CTBP2: variants seen among roughly 807,000 people sequenced by gnomAD.
CTBP2 encodes the protein C-terminal binding protein 2, also known as C-terminal-binding protein 2.
CTBP2 carries 30 observed loss-of-function variants against 80.3 expected under a neutral mutation model. The observed-to-expected ratio is 0.37, with a 90% CI of 0.28 to 0.51. CTBP2 has a LOEUF of 0.51. CTBP2 is among the 20% of genes least tolerant of loss of function. CTBP2 has a pLI of 0.93. For missense variants in CTBP2, 1,212 were observed against 1,375.3 expected (o/e 0.88, Z 1.88); for synonymous variants, 594 against 587.4 (o/e 1.01, Z -0.16).
At chr10:125,095,501 C>T (rs1295557966) in intron 2 of CTBP2, among the ~76,000 whole-genome samples, 4 of 152,166 alleles carry the variant, frequency 2.6e-5, no homozygotes, top group African/African-American at 9.7e-5. Context: ...GGAACAGCTC[C>T]GTTGGTGTTA....
chr10:125,074,937 C>T (rs546150312), intron 2 of CTBP2, among the ~76,000 whole-genome samples: 3 of 152,312 alleles, frequency 2.0e-5, no homozygotes, highest in African/African-American at 7.2e-5. Flanking sequence ...TTGACTACGA[C>T]TTCCACAGGC....
intron 4 of CTBP2, chr10:124,997,657 T>G: frequency 2.2e-6 from 1 of 450,762 alleles, no homozygotes; most frequent in Non-Finnish European, 4.0e-6. Context: ...CCTTCACCCC[T>G]GCCCAGGGAA....
chr10:125,155,447 G>A lies in CTBP2; in HGVS notation c.-206+4872C>T, dbSNP rs546445922. Among the ~76,000 whole-genome samples the A allele has an allele frequency of 5.3e-5, 8 of 151,382 alleles. No individual in the cohort carries two copies. The South Asian group carries it at 6.3e-4, about 12-fold the overall frequency. On this transcript the variant is annotated intron_variant, in intron 1 of 10. Transcript: ENST00000337195. ...GTGCAAAGCCCTTCTTTTCACAGGCGAAGTTCTGAATGCCCAAGTGCAGCC... is the reference window on the plus strand; with the variant it reads ...GTGCAAAGCCCTTCTTTTCACAGGCAAAGTTCTGAATGCCCAAGTGCAGCC...
At chr10:125,155,079 TCTTA>T (rs1446830741) in intron 1 of CTBP2, among the ~76,000 whole-genome samples, 1 of 152,254 alleles carries the variant, frequency 6.6e-6, no homozygotes, top group South Asian at 2.1e-4. Flanking sequence ...CTTGAGGAAC[TCTTA>T]CTATCTGCCG....
chr10:125,026,593 C>A lies in CTBP2; in HGVS notation c.1167G>T (p.Ala389=), dbSNP rs375956777. 12 of 1,563,668 alleles carry A rather than the reference C, an allele frequency of 7.7e-6. No individual in the cohort carries two copies. The highest frequency in any genetic ancestry group is 1.2e-5 in the South Asian group (1 of 86,108). ...GGGGGGATGCTGTCTGCAGAGGAGC[C>A]GCAGCGCCCAGAGAAGCCAAGTCAC... Residue 389 remains alanine, a synonymous_variant, in exon 1 of 9, where the codon GCG becomes GCT. Transcript: ENST00000309035.
intron 1 of CTBP2, chr10:125,005,472 T>C: frequency 6.9e-7 from 1 of 1,445,094 alleles, no homozygotes; most frequent in Non-Finnish European, 9.4e-7. Context: ...TCCAACATCC[T>C]TCTGCACCAG....
chr10:125,071,343 C>A (rs949299985), intron 2 of CTBP2, among the ~76,000 whole-genome samples: 1 of 152,208 alleles, frequency 6.6e-6, no homozygotes, highest in Admixed American at 6.5e-5. Flanking sequence ...ATGGAAAAAC[C>A]AGGAAATATT....
intron 1 of CTBP2, among the ~76,000 whole-genome samples, chr10:125,020,772 C>T (rs78182734): frequency 0.016 from 2,373 of 152,304 alleles, 57 homozygotes; most frequent in African/African-American, 0.054. Context: ...CCAGCTGACA[C>T]CAAGCATCCA....
At chr10:125,031,388 C>G (rs11245477), upstream of CTBP2, among the ~76,000 whole-genome samples, 1 of 141,444 alleles carries the variant, frequency 7.1e-6, no homozygotes. Context: ...ACTCGGGAGG[C>G]TGAGGCAGGA....
At chr10:125,115,218 C>T (rs1853034362) in intron 1 of CTBP2, among the ~76,000 whole-genome samples, 1 of 152,150 alleles carries the variant, frequency 6.6e-6, no homozygotes, top group Admixed American at 6.5e-5. Context: ...CCCTTGCACC[C>T]TGGAAAGCCT....
intron 2 of CTBP2, among the ~76,000 whole-genome samples, chr10:125,067,688 C>T (rs1844854774): frequency 6.6e-6 from 1 of 152,158 alleles, no homozygotes; most frequent in African/African-American, 2.4e-5. Context: ...ACGCATAACC[C>T]TCATTCTCTT....
intron 1 of CTBP2, among the ~76,000 whole-genome samples, chr10:125,124,571 T>C (rs933470452): frequency 6.6e-6 from 1 of 152,208 alleles, no homozygotes; most frequent in African/African-American, 2.4e-5. Flanking sequence ...CCTTAAACAG[T>C]CATTTACCAA....
chr10:125,013,706 G>A (rs1956171417), intron 1 of CTBP2, among the ~76,000 whole-genome samples: 1 of 152,158 alleles, frequency 6.6e-6, no homozygotes, highest in Admixed American at 6.5e-5. Flanking sequence ...AACTTGCCCG[G>A]GGTCACACAG....
At chr10:125,012,672 C>T (rs192372817) in intron 1 of CTBP2, among the ~76,000 whole-genome samples, 4 of 152,136 alleles carry the variant, frequency 2.6e-5, no homozygotes, top group African/African-American at 4.8e-5. Context: ...TGGAGTCTCA[C>T]GCTGTTGTCC....
chr10:125,037,974 AG>A (rs1429575673), intron 3 of CTBP2, among the ~76,000 whole-genome samples: 1 of 152,196 alleles, frequency 6.6e-6, no homozygotes. Context: ...ACCTCTCTGT[AG>A]GTTTTTATAA....
At position 125,098,768 on chromosome 10, in the gene CTBP2, G is replaced by GAGAGAC. The variant is rs1564915038; in HGVS notation, c.-102+12221_-102+12222insGTCTCT. ...AGAGAGACAGAGAGAGAGAGAGAGA[G>GAGAGAC]AGAGAGAGAGACAGAGAGAGAGACA... is the stretch of plus-strand genomic sequence containing the variant. On this transcript the variant is annotated intron_variant, in intron 2 of 10. Coordinates refer to the CTBP2 transcript ENST00000337195. Among the ~76,000 whole-genome samples, 665 of 138,506 alleles carry GAGAGAC rather than the reference G, an allele frequency of 4.8e-3. 13 individuals are homozygous for GAGAGAC. The highest frequency in any genetic ancestry group is 6.0e-3 in the Non-Finnish European group (377 of 63,084). The allele number at this position is 138,506 out of a possible 152,430, so 90.9% of individuals were successfully genotyped here. A position where few individuals can be genotyped will look rare whatever the true frequency, so the allele number is the denominator to read the frequency against.
chr10:125,127,838 G>A (rs968886430), intron 1 of CTBP2, among the ~76,000 whole-genome samples: 14 of 152,180 alleles, frequency 9.2e-5, no homozygotes, highest in African/African-American at 3.4e-4. Flanking sequence ...AGCAACTGTC[G>A]TGAAATTTTT....
chr10:125,089,168 T>C (rs1055740588), intron 2 of CTBP2, among the ~76,000 whole-genome samples: 3 of 152,146 alleles, frequency 2.0e-5, no homozygotes, highest in Admixed American at 2.0e-4. Context: ...GCTGCAAACA[T>C]TTTTTTACTT....
At chr10:125,062,359 G>A (rs1458348620) in intron 2 of CTBP2, among the ~76,000 whole-genome samples, 1 of 152,176 alleles carries the variant, frequency 6.6e-6, no homozygotes, top group Non-Finnish European at 1.5e-5. Context: ...GCCTAGTAGG[G>A]TGTGTCTGTA....
Sources: allele counts gnomAD v4.1 joint callset (sites outside exome capture counted in the v4.1 genomes callset), GRCh38; gene constraint gnomAD v4.1.1; transcripts MANE v1.5; gene names NCBI Gene and HGNC (gene_info 2026-07-23, HGNC 2026-07-21).